LRRC7: variants seen among roughly 807,000 people sequenced by gnomAD.
LRRC7 encodes leucine rich repeat containing 7, also known as leucine-rich repeat-containing protein 7.
Under a neutral mutation model 175.7 loss-of-function variants are expected in LRRC7, and 23 were observed. The observed-to-expected ratio is 0.13, with a 90% CI of 0.09 to 0.19. LRRC7 has a LOEUF of 0.19. LRRC7 is among the 10% of genes least tolerant of loss of function. The probability of loss-of-function intolerance (pLI) is 1.00; values close to 1 mark genes in which losing one functional copy is unlikely to be tolerated. For synonymous variants in LRRC7, 685 were observed against 680.9 expected, an observed-to-expected ratio of 1.01 and a Z score of -0.09; for missense variants, 1,354 against 1,904.7, an observed-to-expected ratio of 0.71 and a Z score of 5.38.
At chr1:69,708,186 A>G (rs1664280698) in intron 2 of LRRC7, among the ~76,000 whole-genome samples, 2 of 152,194 alleles carry the variant, frequency 1.3e-5, no homozygotes, top group African/African-American at 4.8e-5. Flanking sequence ...CCTAAGTAAA[A>G]ACAATGTGTT....
At chr1:69,794,861 C>T (rs1675533497) in intron 4 of LRRC7, among the ~76,000 whole-genome samples, 1 of 152,168 alleles carries the variant, frequency 6.6e-6, no homozygotes, top group African/African-American at 2.4e-5. Flanking sequence ...TATCTGTAAG[C>T]ATCCTTAGAA....
chr1:69,811,474 T>A (rs1159412205), intron 4 of LRRC7, among the ~76,000 whole-genome samples: 1 of 152,192 alleles, frequency 6.6e-6, no homozygotes, highest in Non-Finnish European at 1.5e-5. Context: ...TGGACACGTA[T>A]GTTTATTATG....
rs11589441 is a variant in LRRC7, at chr1:70,051,333, G to C, written c.4111-1693G>C. On this transcript the variant is annotated intron_variant, in intron 22 of 26. Transcript: ENST00000651989. ...CTTCACTAGCAAACAAACTAAGTCA[G>C]AAAAGATAAATACTAAAAATTCAAA... Among the ~76,000 whole-genome samples the C allele has an allele frequency of 8.6e-3, 1,301 of 151,994 alleles. 8 individuals are homozygous for C. The highest frequency in any genetic ancestry group is 0.011 in the Non-Finnish European group (755 of 67,866).
At chr1:70,082,768 T>C (rs548298599) in intron 24 of LRRC7, among the ~76,000 whole-genome samples, 4 of 139,096 alleles carry the variant, frequency 2.9e-5, no homozygotes, top group Non-Finnish European at 6.2e-5. Flanking sequence ...TTAGTCAATC[T>C]TGATACCAGT....
intron 4 of LRRC7, 127 bp from the exon 5 acceptor site, chr1:69,825,621 C>A: frequency 2.3e-6 from 1 of 435,988 alleles, no homozygotes; most frequent in Non-Finnish European, 4.1e-6. Context: ...TACTTAAATG[C>A]TTATCCTAAA....
At chr1:69,996,915 G>GT (rs1655038433) in intron 11 of LRRC7, among the ~76,000 whole-genome samples, 4 of 152,096 alleles carry the variant, frequency 2.6e-5, no homozygotes, top group African/African-American at 7.2e-5. Context: ...CTTTCAAGTA[G>GT]TTTTTTCCAA....
chr1:69,935,257 G>A (rs925145311), intron 8 of LRRC7, among the ~76,000 whole-genome samples: 5 of 151,996 alleles, frequency 3.3e-5, no homozygotes, highest in African/African-American at 1.2e-4. Flanking sequence ...GAATAACTGG[G>A]GAGGACTATT....
intron 7 of LRRC7, among the ~76,000 whole-genome samples, chr1:69,845,341 G>A (rs929573927): frequency 6.6e-6 from 1 of 151,970 alleles, no homozygotes. Context: ...ATGCACTGTG[G>A]TTTTTTTCCT....
At chr1:70,001,594 G>T (rs2101929048) in intron 11 of LRRC7, among the ~76,000 whole-genome samples, 1 of 152,288 alleles carries the variant, frequency 6.6e-6, no homozygotes, top group South Asian at 2.1e-4. Flanking sequence ...ACCAGACGCA[G>T]TGACCGAAAA....
At chr1:69,997,597 G>A (rs1354655946) in intron 11 of LRRC7, among the ~76,000 whole-genome samples, 18 of 151,238 alleles carry the variant, frequency 1.2e-4, no homozygotes, top group Admixed American at 1.1e-3. Flanking sequence ...TTTATTGAGA[G>A]TTTTTAGCAT....
chr1:69,925,529 G>A (rs547943254), intron 7 of LRRC7, among the ~76,000 whole-genome samples: 3 of 152,186 alleles, frequency 2.0e-5, no homozygotes, highest in African/African-American at 7.2e-5. Context: ...TTAGTCTTGG[G>A]AGGGTGTATG....
chr1:69,746,200 T>G (rs1185896098), intron 2 of LRRC7, among the ~76,000 whole-genome samples: 4 of 152,070 alleles, frequency 2.6e-5, no homozygotes, highest in African/African-American at 9.7e-5. Flanking sequence ...TTTTCCACTA[T>G]ATCTCATTCT....
intron 2 of LRRC7, among the ~76,000 whole-genome samples, chr1:69,730,757 T>C (rs527783216): frequency 1.8e-3 from 274 of 152,278 alleles, no homozygotes; most frequent in African/African-American, 6.2e-3. Flanking sequence ...TTCCACATTT[T>C]CAGCTATCTT....
At chr1:69,635,214 A>G (rs1223614993) in intron 1 of LRRC7, among the ~76,000 whole-genome samples, 2 of 152,086 alleles carry the variant, frequency 1.3e-5, no homozygotes, top group African/African-American at 2.4e-5. Flanking sequence ...TGCTAAGGAT[A>G]ATGTCCTCCA....
intron 7 of LRRC7, among the ~76,000 whole-genome samples, chr1:69,864,268 A>G (rs944134726): frequency 6.6e-6 from 1 of 152,226 alleles, no homozygotes; most frequent in African/African-American, 2.4e-5. Context: ...AGATAGAAAT[A>G]TGAATGTCTT....
At chr1:69,868,475 C>T (rs1195265187) in intron 7 of LRRC7, among the ~76,000 whole-genome samples, 1 of 151,840 alleles carries the variant, frequency 6.6e-6, no homozygotes, top group Non-Finnish European at 1.5e-5. Context: ...ATGAAGAGAG[C>T]GGTGTTAGCA....
intron 26 of LRRC7, among the ~76,000 whole-genome samples, chr1:70,115,914 A>G (rs1665818889): frequency 2.0e-5 from 3 of 152,344 alleles, no homozygotes; most frequent in Non-Finnish European, 2.9e-5. Context: ...CAGCCTGGCT[A>G]CAAAGAGCCC....
At chr1:70,041,248 G>T (rs926751608) in intron 21 of LRRC7, among the ~76,000 whole-genome samples, 2 of 152,148 alleles carry the variant, frequency 1.3e-5, no homozygotes, top group Non-Finnish European at 2.9e-5. Flanking sequence ...ACGTTTACAG[G>T]TTTACTCTTT....
intron 3 of LRRC7, among the ~76,000 whole-genome samples, chr1:69,781,763 G>GAGAGAAAGAA (rs1557719849): frequency 2.5e-5 from 1 of 39,224 alleles, no homozygotes; most frequent in Non-Finnish European, 4.3e-5. Context: ...GAGAGAGAGA[G>GAGAGAAAGAA]AGAAAGAAAG....
Sources: allele counts gnomAD v4.1 joint callset (sites outside exome capture counted in the v4.1 genomes callset), GRCh38; gene constraint gnomAD v4.1.1; transcripts MANE v1.5; gene names NCBI Gene and HGNC (gene_info 2026-07-23, HGNC 2026-07-21).